Variants in PRKAR1B observed in about 807,000 individuals in gnomAD.
PRKAR1B encodes the protein cAMP-dependent protein kinase type I-beta regulatory subunit.
A neutral mutation model predicts 46.5 loss-of-function variants in PRKAR1B; 22 were observed. That is an observed-to-expected ratio of 0.47 (90% CI 0.34 to 0.68). The LOEUF is 0.68. PRKAR1B is among the 30% of genes least tolerant of loss of function. PRKAR1B has a pLI of 0.01. For missense variants in PRKAR1B, 445 were observed against 535.6 expected, an observed-to-expected ratio of 0.83 and a Z score of 1.67; for synonymous variants, 259 against 217.7, an observed-to-expected ratio of 1.19 and a Z score of -1.67.
intron 9 of PRKAR1B, among the ~76,000 whole-genome samples, chr7:574,162 C>T (rs932015427): frequency 6.6e-5 from 10 of 152,236 alleles, no homozygotes; most frequent in African/African-American, 2.4e-4. Context: ...CTGGGAGGGG[C>T]CTTGCTCTGC....
chr7:616,319 G>A (rs1782822039), intron 4 of PRKAR1B, among the ~76,000 whole-genome samples: 1 of 152,242 alleles, frequency 6.6e-6, no homozygotes, highest in African/African-American at 2.4e-5. Flanking sequence ...GACCACCGCA[G>A]ATGGGGGACC....
intron 4 of PRKAR1B, among the ~76,000 whole-genome samples, chr7:631,668 C>T (rs954240859): frequency 1.3e-5 from 2 of 152,176 alleles, no homozygotes; most frequent in African/African-American, 4.8e-5. Flanking sequence ...CAAAAGAAGG[C>T]GGATGCCAGA....
intron 4 of PRKAR1B, among the ~76,000 whole-genome samples, chr7:655,874 C>G (rs963062468): frequency 6.6e-6 from 1 of 152,182 alleles, no homozygotes; most frequent in Non-Finnish European, 1.5e-5. Context: ...GAGCAAATGA[C>G]GCCCCTACTT....
At chr7:614,122 C>T (rs944116949) in intron 4 of PRKAR1B, among the ~76,000 whole-genome samples, 1 of 152,216 alleles carries the variant, frequency 6.6e-6, no homozygotes, top group Admixed American at 6.5e-5. Flanking sequence ...CCCGCACGCC[C>T]GACCAGGACA....
intron 4 of PRKAR1B, among the ~76,000 whole-genome samples, chr7:636,818 T>A (rs542343506): frequency 6.6e-6 from 1 of 152,258 alleles, no homozygotes; most frequent in East Asian, 1.9e-4. Flanking sequence ...GGAATGGGTA[T>A]CACACGCCAA....
intron 2 of PRKAR1B, among the ~76,000 whole-genome samples, chr7:685,241 T>C (rs1224668605): frequency 8.0e-6 from 1 of 125,664 alleles, no homozygotes; most frequent in African/African-American, 2.9e-5. Flanking sequence ...TACACACACA[T>C]ATAACACGTT....
At chr7:709,367 A>C (rs762750551) in intron 2 of PRKAR1B, among the ~76,000 whole-genome samples, 14 of 129,576 alleles carry the variant, frequency 1.1e-4, no homozygotes, top group Non-Finnish European at 1.3e-4. Context: ...GTGTGTATGT[A>C]TTTCTTTTTT....
chr7:727,329 G>A (rs1781365835), upstream of PRKAR1B: 4 of 1,253,286 alleles, frequency 3.2e-6, no homozygotes, highest in Admixed American at 1.3e-4. Context: ...AGCACCCCGG[G>A]CCCCGCTCCC....
At chr7:596,034 T>A in intron 7 of PRKAR1B, 112 bp downstream of exon 7, 1 of 1,358,296 alleles carries the variant, frequency 7.4e-7, no homozygotes, top group Non-Finnish European at 1.0e-6. Context: ...GTCAGGGAGG[T>A]TGGAAGTGTC....
intron 3 of PRKAR1B, among the ~76,000 whole-genome samples, chr7:679,769 CTA>C (rs1447164439): frequency 2.0e-5 from 3 of 152,126 alleles, no homozygotes; most frequent in Non-Finnish European, 4.4e-5. Flanking sequence ...ACCAGCCATG[CTA>C]TGGTATTTGG....
chr7:590,484 G>A lies in PRKAR1B; in HGVS notation c.708+5662C>T, dbSNP rs557845275. 5.1e-4 allele frequency among the ~76,000 whole-genome samples: 78 copies of A among 152,322 alleles called. 1 individual carries two copies. Among genetic ancestry groups the A allele is most frequent in the African/African-American group, 1.8e-3 (76 of 41,570 alleles). ...ACCAGCAGGGTGGGGGCGGGGCCCC[G>A]AGAGATGGGCACTTGGAGCCCAAGA... On this transcript the variant is annotated intron_variant, in intron 7 of 10. Coordinates refer to ENST00000537384, the MANE Select transcript of PRKAR1B (RefSeq NM_001164760.2).
chr7:571,448 G>C (rs535285254), intron 9 of PRKAR1B, among the ~76,000 whole-genome samples: 3 of 152,358 alleles, frequency 2.0e-5, no homozygotes, highest in Admixed American at 6.5e-5. Flanking sequence ...GCGGGGCTCT[G>C]ATGAGCCAGG....
At chr7:647,945 C>T (rs747291410) in intron 4 of PRKAR1B, among the ~76,000 whole-genome samples, 25 of 150,808 alleles carry the variant, frequency 1.7e-4, no homozygotes, top group Non-Finnish European at 3.2e-4. Context: ...CAGAAGTTTG[C>T]GACCAGCTCG....
intron 4 of PRKAR1B, among the ~76,000 whole-genome samples, chr7:634,041 T>G: frequency 6.6e-6 from 1 of 152,062 alleles, no homozygotes; most frequent in Non-Finnish European, 1.5e-5. Context: ...TTTGTTTTTT[T>G]AAAGGGAGTC....
intron 4 of PRKAR1B, among the ~76,000 whole-genome samples, chr7:640,164 A>G (rs1035211984): frequency 6.9e-5 from 10 of 143,982 alleles, no homozygotes; most frequent in South Asian, 2.2e-4. Context: ...CTCCGTCTCG[A>G]AAAAAAAAAA....
intron 4 of PRKAR1B, among the ~76,000 whole-genome samples, chr7:616,022 G>GAGAGAC (rs2128471264): frequency 6.6e-6 from 1 of 151,578 alleles, no homozygotes; most frequent in African/African-American, 2.4e-5. Flanking sequence ...GAGAGAGAGA[G>GAGAGAC]AGAGAAAGCA....
chr7:566,203 CCATCTTCACCATGACCATCATGGT>C (rs956966012), intron 9 of PRKAR1B, among the ~76,000 whole-genome samples: 1 of 65,094 alleles, frequency 1.5e-5, no homozygotes, highest in Non-Finnish European at 3.5e-5. Flanking sequence ...ACCACCATGG[CCATCTTCACCATGACCATCATGGT>C]CATCATCACT....
chr7:600,765 G>C (rs1429429581), intron 6 of PRKAR1B, among the ~76,000 whole-genome samples: 1 of 152,240 alleles, frequency 6.6e-6, no homozygotes, highest in Non-Finnish European at 1.5e-5. Context: ...ACAATCAGGG[G>C]AAGAGTCGAG....
At chr7:574,009 G>A (rs1048107732) in intron 9 of PRKAR1B, among the ~76,000 whole-genome samples, 8 of 152,366 alleles carry the variant, frequency 5.3e-5, no homozygotes, top group East Asian at 1.9e-4. Context: ...AACACGCCGC[G>A]CGACTCGGTG....
Sources: gnomAD v4.1 joint callset for allele counts (sites outside exome capture counted in the v4.1 genomes callset) on GRCh38, gnomAD v4.1.1 for gene constraint, MANE v1.5 for transcripts, NCBI Gene and HGNC (gene_info 2026-07-23, HGNC 2026-07-21) for gene names.